Variants in SHC2 observed in about 807,000 individuals in gnomAD.
SHC2 encodes the protein SHC adaptor protein 2.
In SHC2, 62 loss-of-function variants were observed where a neutral mutation model predicts 60.6. The observed-to-expected ratio is 1.02, with a 90% CI of 0.83 to 1.26. The LOEUF (loss-of-function observed/expected upper bound fraction) is 1.26, where lower values mean the gene tolerates loss of function less well. Among genes scored for constraint, SHC2 ranks in the 50% most tolerant of loss-of-function variants. The pLI is 0.00. For synonymous variants in SHC2, 375 were observed against 372.4 expected, an observed-to-expected ratio of 1.01 and a Z score of -0.08; for missense variants, 873 against 822.2, an observed-to-expected ratio of 1.06 and a Z score of -0.76.
Position 445,323 on chromosome 19 carries a change from C to T in SHC2, c.469-4391G>A, listed in dbSNP as rs1427242999. Among the ~76,000 whole-genome samples the T allele has an allele frequency of 6.6e-6, 1 of 152,172 alleles. No individual in the cohort carries two copies. The highest frequency in any genetic ancestry group is 3.2e-3 in the Middle Eastern group (1 of 316). ...TATAAAAGAGACCCCAGACAGAGCC[C>T]AGCCCTCCACCACGTGAGGACACAG... is the stretch of plus-strand genomic sequence containing the variant. On this transcript the variant is annotated intron_variant, in intron 1 of 12. Transcript: ENST00000264554. This position sits in a 1 kb window ranked among gnomAD's most constrained non-coding sequence, Gnocchi z 4.4.
At position 422,272 on chromosome 19, in the gene SHC2, C is replaced by A. The variant is rs928953969; in HGVS notation, c.1494G>T (p.Glu498Asp). 6.2e-7 allele frequency: 1 copy of A among 1,612,424 alleles called. No homozygotes were observed. The highest frequency in any genetic ancestry group is 1.7e-5 in the Admixed American group (1 of 59,978). Residue 498 changes from glutamate to aspartate, a missense_variant, in exon 11 of 13, where the codon GAG becomes GAT. Glu to Asp is a conservative substitution (Grantham distance 45, BLOSUM62 2). Coordinates refer to ENST00000264554, the MANE Select transcript of SHC2 (RefSeq NM_012435.3). The surrounding 1 kb of genome is among the most constrained non-coding windows in gnomAD (Gnocchi z 5.0). ...YHGRMSRRAAERMLRADGDFL... is the reference protein window; with the variant it reads ...YHGRMSRRAADRMLRADGDFL... ...AGTCCCCGTCAGCTCGAAGCATCCT[C>A]TCTGCCGCCCGGCGGCTCATCCGGC...
At position 438,526 on chromosome 19, in the gene SHC2, G is replaced by A. The variant is rs1300473786; in HGVS notation, c.720+192C>T. On this transcript the variant is annotated intron_variant, in intron 4 of 12. Coordinates refer to ENST00000264554, the MANE Select transcript of SHC2 (RefSeq NM_012435.3). The surrounding 1 kb of genome is among the most constrained non-coding windows in gnomAD (Gnocchi z 5.0). The stretch of plus-strand genomic sequence containing the variant: ...CCCCTGTATCAGGACGGCTCGCCCA[G>A]GTGGGAGCCCCTGAGCTGAGCCCCG... Among the ~76,000 whole-genome samples, 1 of 152,182 alleles carries A rather than the reference G, an allele frequency of 6.6e-6. No homozygotes were observed.
rs1450624451 is a variant in SHC2, at chr19:427,852, GGAAGGGGGAACTGCACACGGCACAGA to G, written c.1175-2647_1175-2622del. 9.4e-3 allele frequency among the ~76,000 whole-genome samples: 1,297 copies of G among 137,842 alleles called. 22 individuals are homozygous for G. Among genetic ancestry groups the G allele is most frequent in the African/African-American group, 0.033 (1,182 of 36,246 alleles). 90.4% of individuals were successfully genotyped at this position (137,842 alleles called of 152,430 possible). ...GAAGGGGGAACTGCACACGGCACAG[GGAAGGGGGAACTGCACACGGCACAGA>G]GAAGGGGGAACTGCACACGGCGCAG... On this transcript the variant is annotated intron_variant, in intron 9 of 12. Coordinates refer to ENST00000264554, the MANE Select transcript of SHC2 (RefSeq NM_012435.3).
rs1974347768 is a variant in SHC2 at position 424,065 on chromosome 19, G to A, written c.1309+1032C>T. ...CTGCTTTGTCAGGTGGTGGAGGAAA[G>A]GGAGAAATTTGCAGTTAGCTTGGGA... On this transcript the variant is annotated intron_variant, in intron 10 of 12. Transcript: ENST00000264554. This position sits in a 1 kb window ranked among gnomAD's most constrained non-coding sequence, Gnocchi z 4.5. 6.6e-6 allele frequency among the ~76,000 whole-genome samples: 1 copy of A among 152,182 alleles called. No homozygotes were observed. Among genetic ancestry groups the A allele is most frequent in the South Asian group, 2.1e-4 (1 of 4,826 alleles).
intron 9 of SHC2, among the ~76,000 whole-genome samples, chr19:426,374 G>A (rs572694384): frequency 9.3e-4 from 138 of 149,174 alleles, no homozygotes; most frequent in Non-Finnish European, 1.7e-3. Context: ...GGCAGAGTCC[G>A]GGGAGGGAGG....
rs533470990 is a variant in SHC2, at chr19:419,123, C to T, written c.1621-67G>A. The T allele has an allele frequency of 2.3e-5, 34 of 1,488,438 alleles. No homozygotes were observed. In the African/African-American group the frequency reaches 3.9e-4, roughly 17 times the overall value. 92.2% of individuals were successfully genotyped at this position (1,488,438 alleles called of 1,614,324 possible). On this transcript the variant is annotated intron_variant, in intron 11 of 12. Transcript: ENST00000264554. ...CTGGACCCGTGGAGTAGGATATTGG[C>T]GTTCTGGGGTCCTGCCGGGGAGCCC...
chr19:425,205 C>T lies in SHC2; in HGVS notation c.1201G>A (p.Ala401Thr). 1 of 1,340,300 alleles carries T rather than the reference C, an allele frequency of 7.5e-7. No individual in the cohort carries two copies. The highest frequency in any genetic ancestry group is 9.7e-7 in the Non-Finnish European group (1 of 1,035,960). 83.0% of individuals were successfully genotyped at this position (1,340,300 alleles called of 1,614,324 possible). Residue 401 changes from alanine (A) to threonine (T), a missense_variant, in exon 10 of 13, where the codon GCG becomes ACG. Ala to Thr is a moderately conservative substitution (Grantham distance 58). Coordinates refer to ENST00000264554, the MANE Select transcript of SHC2 (RefSeq NM_012435.3). The surrounding 1 kb of genome is among the most constrained non-coding windows in gnomAD (Gnocchi z 4.1). Reference protein sequence around the residue: ...TAPPGDGYVQADARGPPDHEE... With the variant: ...TAPPGDGYVQTDARGPPDHEE... The stretch of plus-strand genomic sequence containing the variant: ...TGGTCCGGGGGGCCCCGGGCGTCCG[C>T]CTGCACGTAGCCGTCCCCCGGTGGA...
intron 11 of SHC2, chr19:419,262 G>A: frequency 1.8e-6 from 1 of 556,728 alleles, no homozygotes; most frequent in Non-Finnish European, 3.1e-6. Flanking sequence ...AACCCCCAGG[G>A]TTCTGGGGCC....
intron 1 of SHC2, among the ~76,000 whole-genome samples, chr19:448,110 G>A (rs1360868169): frequency 4.6e-5 from 7 of 152,322 alleles, no homozygotes; most frequent in African/African-American, 1.7e-4. Flanking sequence ...GCACTGCGAC[G>A]TCCCCATGCA....
intron 1 of SHC2, among the ~76,000 whole-genome samples, chr19:455,067 A>C (rs1468587615): frequency 6.6e-6 from 1 of 152,192 alleles, no homozygotes; most frequent in Non-Finnish European, 1.5e-5. Context: ...GTTTAATGAC[A>C]CCTGCAGAGA....
rs1218583251 is a variant in SHC2, at chr19:417,319, T to C, written c.*9A>G. 6.5e-6 allele frequency: 1 copy of C among 152,730 alleles called. No individual in the cohort carries two copies. The highest frequency in any genetic ancestry group is 6.5e-5 in the Admixed American group (1 of 15,290). The allele number at this position is 152,730 out of a possible 1,614,324, so 9.5% of individuals were successfully genotyped here. A position where few individuals can be genotyped will look rare whatever the true frequency, so the allele number is the denominator to read the frequency against. ...AGGCAGGAGCCAGGGCTGAGAACGG[T>C]CACCTGCGGGCAGAAAGAGAAGGCG... On this transcript the variant is annotated 3_prime_UTR_variant, in exon 13 of 13. Transcript: ENST00000264554.
chr19:447,768 A>G lies in SHC2; in HGVS notation c.469-6836T>C, dbSNP rs560829089. ...ACTCCAGCCTGGGTGACAAGAACAA[A>G]ACTCCATCTAAAAAAAAAATTAAAA... is the stretch of plus-strand genomic sequence containing the variant. On this transcript the variant is annotated intron_variant, in intron 1 of 12. Transcript: ENST00000264554. Among the ~76,000 whole-genome samples the G allele has an allele frequency of 1.7e-4, 25 of 151,106 alleles. No homozygotes were observed. The East Asian group carries it at 4.2e-3, about 25-fold the overall frequency.
intron 1 of SHC2, among the ~76,000 whole-genome samples, chr19:450,710 C>T (rs926525870): frequency 2.6e-5 from 4 of 152,198 alleles, no homozygotes; most frequent in Admixed American, 6.5e-5. Flanking sequence ...GTGTGGATGG[C>T]CACACTGTGT....
intron 8 of SHC2, 39 bp from the exon 9 acceptor site, chr19:430,786 A>C: frequency 6.3e-7 from 1 of 1,596,964 alleles, no homozygotes; most frequent in Non-Finnish European, 8.6e-7. Context: ...GGTGTGTGCA[A>C]GCCCCTCTTC....
At chr19:455,243 C>T (rs888690023) in intron 1 of SHC2, among the ~76,000 whole-genome samples, 13 of 152,190 alleles carry the variant, frequency 8.5e-5, no homozygotes, top group Admixed American at 5.2e-4. Context: ...GTCCCTTTGG[C>T]GCCCAGCAGC....
At chr19:443,837 CATGGGTGGATGG>C (rs1313554741) in intron 1 of SHC2, among the ~76,000 whole-genome samples, 2 of 36,910 alleles carry the variant, frequency 5.4e-5, no homozygotes, top group Non-Finnish European at 1.1e-4. Context: ...TGGATGAGTG[CATGGGTGGATGG>C]ATGGACGGAT....
intron 8 of SHC2, among the ~76,000 whole-genome samples, chr19:434,483 T>TGTGAGTGAGTGAAATC (rs895077234): frequency 7.3e-5 from 6 of 81,900 alleles, no homozygotes; most frequent in Non-Finnish European, 1.2e-4. Flanking sequence ...ATCGTGAGTC[T>TGTGAGTGAGTGAAATC]GTGAGTGAGT....
At chr19:434,519 TGTGAGATTGTGA>T (rs1409782560) in intron 8 of SHC2, among the ~76,000 whole-genome samples, 178 bp downstream of exon 8, 10 of 1,772 alleles carry the variant, frequency 5.6e-3, no homozygotes, top group Non-Finnish European at 0.014. Flanking sequence ...ATCGTGAGCC[TGTGAGATTGTGA>T]GTGAGATTGT....
rs1219840313 is a variant in SHC2, at chr19:439,010, T to G, written c.560A>C (p.His187Pro). The G allele has an allele frequency of 6.3e-7, 1 of 1,580,814 alleles. No individual in the cohort carries two copies. The highest frequency in any genetic ancestry group is 1.1e-5 in the South Asian group (1 of 87,868). The change falls in exon 3 of 13, where the codon CAT becomes CCT. Residue 187 changes from histidine (H) to proline (P), a missense_variant. Physicochemically the swap from His to Pro is moderately conservative, Grantham distance 77. Coordinates refer to ENST00000264554, the MANE Select transcript of SHC2 (RefSeq NM_012435.3). The part of the protein sequence containing the change: ...QVTREAINRL[H>P]EAVPGVRGSW... ...TCCCCGGACGCCAGGCACGGCCTCA[T>G]GGAGCCGGTTGATGGCTTCCCTGGG...
Sources: gnomAD v4.1 joint callset for allele counts (sites outside exome capture counted in the v4.1 genomes callset) on GRCh38, gnomAD v4.1.1 for gene constraint, Gnocchi (gnomAD v3.1) non-coding constraint, MANE v1.5 for transcripts, NCBI Gene and HGNC (gene_info 2026-07-23, HGNC 2026-07-21) for gene names.